Variants in WDR70 observed in about 807,000 individuals in gnomAD.
The protein encoded by WDR70 is WD repeat-containing protein 70.
A neutral mutation model predicts 88.6 loss-of-function variants in WDR70; 53 were observed. That is an observed-to-expected ratio of 0.60 (90% CI 0.48 to 0.75). The LOEUF (loss-of-function observed/expected upper bound fraction) is 0.75, where lower values mean the gene tolerates loss of function less well. WDR70 is among the 30% of genes least tolerant of loss of function. The pLI is 0.00. For synonymous variants in WDR70, 280 were observed against 270.0 expected (o/e 1.04, Z -0.36); for missense variants, 610 against 823.2 (o/e 0.74, Z 3.17).
At chr5:37,667,787 G>A (rs1745902231) in intron 10 of WDR70, among the ~76,000 whole-genome samples, 3 of 125,346 alleles carry the variant, frequency 2.4e-5, no homozygotes, top group African/African-American at 9.6e-5. Context: ...CTAGGTATAT[G>A]TTTCTCCAGT....
At chr5:37,533,995 G>C (rs1741578963) in intron 9 of WDR70, among the ~76,000 whole-genome samples, 1 of 152,158 alleles carries the variant, frequency 6.6e-6, no homozygotes, top group African/African-American at 2.4e-5. Context: ...AGCCTGCAGT[G>C]GTGATCCAGT....
chr5:37,619,023 A>T (rs1019321519), intron 10 of WDR70, among the ~76,000 whole-genome samples: 12 of 152,172 alleles, frequency 7.9e-5, no homozygotes. Context: ...ATGCCTTTTT[A>T]AAAAAGAGTC....
chr5:37,616,629 C>T (rs1231984694), intron 10 of WDR70, among the ~76,000 whole-genome samples: 1 of 152,146 alleles, frequency 6.6e-6, no homozygotes, highest in Non-Finnish European at 1.5e-5. Flanking sequence ...CTGTTATGGA[C>T]TAGAAGATTA....
intron 17 of WDR70, among the ~76,000 whole-genome samples, chr5:37,741,621 C>A (rs1449470460): frequency 6.6e-6 from 1 of 152,120 alleles, no homozygotes; most frequent in African/African-American, 2.4e-5. Flanking sequence ...CTAATACTGT[C>A]ACTGATCTTA....
At chr5:37,742,878 A>G (rs1286379050) in intron 17 of WDR70, among the ~76,000 whole-genome samples, 1 of 152,234 alleles carries the variant, frequency 6.6e-6, no homozygotes, top group African/African-American at 2.4e-5. Flanking sequence ...CAGGTGGTAA[A>G]CAAGCATTGG....
At chr5:37,473,271 C>T (rs573931111) in intron 7 of WDR70, among the ~76,000 whole-genome samples, 6 of 150,550 alleles carry the variant, frequency 4.0e-5, no homozygotes, top group South Asian at 4.2e-4. Flanking sequence ...AGGAGATACA[C>T]GTACACACAC....
intron 8 of WDR70, chr5:37,506,078 A>G: frequency 7.8e-7 from 1 of 1,284,944 alleles, no homozygotes; most frequent in Non-Finnish European, 1.1e-6. Context: ...CACCTCATTC[A>G]AGATTTGCAC....
At chr5:37,512,874 C>A (rs570339060) in intron 8 of WDR70, among the ~76,000 whole-genome samples, 3 of 152,128 alleles carry the variant, frequency 2.0e-5, no homozygotes, top group Admixed American at 1.3e-4. Context: ...CATGTGGCAC[C>A]GCACCCAGCC....
At chr5:37,745,558 G>T (rs552050304) in intron 17 of WDR70, among the ~76,000 whole-genome samples, 145 of 151,538 alleles carry the variant, frequency 9.6e-4, no homozygotes, top group African/African-American at 3.5e-3. Flanking sequence ...ACACACACAG[G>T]CTCAAAATAA....
intron 9 of WDR70, among the ~76,000 whole-genome samples, chr5:37,583,310 A>G (rs1743272578): frequency 6.6e-6 from 1 of 151,574 alleles, no homozygotes; most frequent in Non-Finnish European, 1.5e-5. Flanking sequence ...AGTCCCAGCT[A>G]CTCTGGAGGC....
chr5:37,610,950 A>T (rs996524418), intron 10 of WDR70, among the ~76,000 whole-genome samples: 20 of 152,210 alleles, frequency 1.3e-4, no homozygotes, highest in Non-Finnish European at 2.8e-4. Context: ...AACAGTCTTG[A>T]ATCTTCTCTT....
At chr5:37,638,272 T>G (rs1745023730) in intron 10 of WDR70, among the ~76,000 whole-genome samples, 1 of 152,236 alleles carries the variant, frequency 6.6e-6, no homozygotes, top group Admixed American at 6.5e-5. Context: ...CAAGTTTTAA[T>G]TTGCTTTTAT....
chr5:37,430,502 A>G (rs1238035314), intron 5 of WDR70, among the ~76,000 whole-genome samples: 2 of 152,228 alleles, frequency 1.3e-5, no homozygotes, highest in African/African-American at 4.8e-5. Flanking sequence ...ATCGCCCTGT[A>G]CTAATGAAGT....
chr5:37,622,680 G>T (rs919912475), intron 10 of WDR70, among the ~76,000 whole-genome samples: 7 of 151,056 alleles, frequency 4.6e-5, no homozygotes, highest in Non-Finnish European at 1.0e-4. Flanking sequence ...TCATAGGTGG[G>T]AATTGAACAG....
intron 17 of WDR70, among the ~76,000 whole-genome samples, chr5:37,738,355 T>G (rs1444800390): frequency 6.6e-6 from 1 of 152,196 alleles, no homozygotes; most frequent in Non-Finnish European, 1.5e-5. Flanking sequence ...TCATACTTGC[T>G]CTGTTACCCT....
intron 10 of WDR70, among the ~76,000 whole-genome samples, chr5:37,636,030 C>A (rs529672714): frequency 4.6e-5 from 7 of 152,292 alleles, no homozygotes; most frequent in African/African-American, 1.7e-4. Context: ...CTCCCTAGCC[C>A]TGTGGAACTG....
chr5:37,413,822 T>C (rs1226666825), intron 5 of WDR70, among the ~76,000 whole-genome samples: 1 of 151,706 alleles, frequency 6.6e-6, no homozygotes, highest in Non-Finnish European at 1.5e-5. Flanking sequence ...ATTTCTGTGA[T>C]CATTAGTCTA....
At chr5:37,513,331 C>T (rs1193296632) in intron 8 of WDR70, among the ~76,000 whole-genome samples, 1 of 151,966 alleles carries the variant, frequency 6.6e-6, no homozygotes, top group Non-Finnish European at 1.5e-5. Context: ...AGGAGCCAGT[C>T]ATGAGAAAGT....
intron 17 of WDR70, among the ~76,000 whole-genome samples, chr5:37,740,243 T>C (rs1380322534): frequency 3.3e-5 from 5 of 152,200 alleles, no homozygotes; most frequent in Admixed American, 1.3e-4. Flanking sequence ...ACTAAAGAAA[T>C]CCATTTAAAA....
Sources: allele counts gnomAD v4.1 joint callset (sites outside exome capture counted in the v4.1 genomes callset), GRCh38; gene constraint gnomAD v4.1.1; transcripts MANE v1.5; gene names NCBI Gene and HGNC (gene_info 2026-07-23, HGNC 2026-07-21).